Variants in EHBP1 observed in about 807,000 individuals in gnomAD.
The protein encoded by EHBP1 is EH domain binding protein 1.
A neutral mutation model predicts 144.0 loss-of-function variants in EHBP1; 55 were observed. The ratio of observed to expected loss-of-function variants is 0.38; its 90% CI spans 0.31 to 0.48. The LOEUF is 0.48. EHBP1 is among the 20% of genes least tolerant of loss of function. The pLI is 0.98. For synonymous variants in EHBP1, 469 were observed against 472.7 expected, an observed-to-expected ratio of 0.99 and a Z score of 0.10; for missense variants, 1,200 against 1,364.2, an observed-to-expected ratio of 0.88 and a Z score of 1.90.
chr2:62,833,362 G>A (rs1423153656), intron 7 of EHBP1, among the ~76,000 whole-genome samples: 1 of 152,222 alleles, frequency 6.6e-6, no homozygotes, highest in Non-Finnish European at 1.5e-5. Context: ...CATTGATGAA[G>A]CTGGCTACAT....
chr2:63,002,608 A>G (rs2059893084), intron 19 of EHBP1, among the ~76,000 whole-genome samples: 1 of 152,054 alleles, frequency 6.6e-6, no homozygotes, highest in Non-Finnish European at 1.5e-5. Flanking sequence ...TATTCCTGAA[A>G]TGCTATATAT....
At chr2:62,991,518 T>G (rs1346934222) in intron 16 of EHBP1, among the ~76,000 whole-genome samples, 2 of 152,186 alleles carry the variant, frequency 1.3e-5, no homozygotes, top group East Asian at 3.8e-4. Context: ...TGTATGTTAT[T>G]TGTAAGAATC....
intron 4 of EHBP1, among the ~76,000 whole-genome samples, chr2:62,769,256 AC>A (rs1428571552): frequency 6.6e-6 from 1 of 152,134 alleles, no homozygotes; most frequent in Non-Finnish European, 1.5e-5. Flanking sequence ...AATCTAAAAT[AC>A]CCCATAGTCT....
At chr2:63,020,066 C>T (rs2060663009) in intron 19 of EHBP1, among the ~76,000 whole-genome samples, 2 of 151,862 alleles carry the variant, frequency 1.3e-5, no homozygotes, top group Admixed American at 6.6e-5. Flanking sequence ...TGGCTCATGC[C>T]TGTAATTCTA....
intron 4 of EHBP1, among the ~76,000 whole-genome samples, chr2:62,769,440 A>G (rs1558639434): frequency 6.6e-6 from 1 of 152,178 alleles, no homozygotes; most frequent in Non-Finnish European, 1.5e-5. Context: ...ACCTAGGAAT[A>G]CAGCTAACCA....
intron 13 of EHBP1, among the ~76,000 whole-genome samples, chr2:62,953,788 A>C (rs1393412673): frequency 6.6e-6 from 1 of 152,034 alleles, no homozygotes; most frequent in Admixed American, 6.5e-5. Flanking sequence ...AACTGTGTTT[A>C]TGTGCTGTTA....
chr2:63,019,563 C>T (rs565756691), intron 19 of EHBP1, among the ~76,000 whole-genome samples: 17 of 151,356 alleles, frequency 1.1e-4, no homozygotes, highest in Non-Finnish European at 2.4e-4. Flanking sequence ...AAAAATTAGC[C>T]GGGTGTGGTG....
At chr2:62,776,370 A>G (rs1171467238) in intron 5 of EHBP1, among the ~76,000 whole-genome samples, 1 of 152,228 alleles carries the variant, frequency 6.6e-6, no homozygotes, top group Non-Finnish European at 1.5e-5. Context: ...AAATGATGGT[A>G]TTAATATCTA....
intron 1 of EHBP1, among the ~76,000 whole-genome samples, chr2:62,691,395 C>A (rs2033900180): frequency 6.6e-6 from 1 of 152,192 alleles, no homozygotes; most frequent in East Asian, 1.9e-4. Flanking sequence ...AAAGGAAAGG[C>A]ACACTCCCTC....
chr2:62,887,465 C>T (rs771161340), intron 10 of EHBP1, among the ~76,000 whole-genome samples: 3 of 151,528 alleles, frequency 2.0e-5, no homozygotes, highest in Non-Finnish European at 2.9e-5. Flanking sequence ...AAGCCAAGCA[C>T]GGTGGCTCAT....
intron 15 of EHBP1, 88 bp downstream of exon 15, chr2:62,979,423 T>A: frequency 1.4e-6 from 2 of 1,405,418 alleles, no homozygotes; most frequent in African/African-American, 2.9e-5. Flanking sequence ...CTTCAAAATG[T>A]TGCTTCAAAA....
chr2:62,833,634 AAAC>A (rs1415829310), intron 7 of EHBP1, among the ~76,000 whole-genome samples: 1 of 152,214 alleles, frequency 6.6e-6, no homozygotes, highest in African/African-American at 2.4e-5. Context: ...CTCCCTGAAA[AAAC>A]AACACCACTG....
chr2:62,893,086 T>C (rs1343607585), intron 10 of EHBP1, among the ~76,000 whole-genome samples: 1 of 152,204 alleles, frequency 6.6e-6, no homozygotes, highest in Non-Finnish European at 1.5e-5. Context: ...GAAATTAAGC[T>C]TTTACTTACT....
At chr2:62,982,512 A>C (rs1450750764) in intron 15 of EHBP1, among the ~76,000 whole-genome samples, 1 of 152,214 alleles carries the variant, frequency 6.6e-6, no homozygotes, top group Non-Finnish European at 1.5e-5. Context: ...GAGGTTGTTA[A>C]GTCAGGGGAA....
At chr2:62,850,850 A>G (rs1329465181) in intron 7 of EHBP1, among the ~76,000 whole-genome samples, 1 of 152,136 alleles carries the variant, frequency 6.6e-6, no homozygotes, top group African/African-American at 2.4e-5. Context: ...AGAAACAGAC[A>G]AGTACTTTTT....
At chr2:62,869,936 A>C (rs950000147) in intron 9 of EHBP1, among the ~76,000 whole-genome samples, 1 of 152,174 alleles carries the variant, frequency 6.6e-6, no homozygotes, top group Admixed American at 6.5e-5. Context: ...GACGGGAGAG[A>C]TCTTTAAAAT....
chr2:62,900,703 T>TATATATA (rs1558881616), intron 10 of EHBP1, among the ~76,000 whole-genome samples: 1 of 150,474 alleles, frequency 6.6e-6, no homozygotes, highest in African/African-American at 2.5e-5. Flanking sequence ...TATATATATA[T>TATATATA]TTTCTTTCTC....
intron 19 of EHBP1, among the ~76,000 whole-genome samples, chr2:63,019,954 C>T (rs908735065): frequency 2.0e-5 from 3 of 150,988 alleles, no homozygotes; most frequent in Non-Finnish European, 4.4e-5. Context: ...TTTGGGAGGC[C>T]GAGGCAGGCG....
rs181460291 is a variant in EHBP1 at position 62,835,731 on chromosome 2, G to A, written c.634+4573G>A. Among the ~76,000 whole-genome samples, 550 of 152,318 alleles carry A rather than the reference G, an allele frequency of 3.6e-3. 4 individuals are homozygous for A. The highest frequency in any genetic ancestry group is 0.012 in the African/African-American group (501 of 41,572). On this transcript the variant is annotated intron_variant, in intron 7 of 22. Transcript: ENST00000431489. The stretch of plus-strand genomic sequence containing the variant: ...TTTCCGAGTCAAAGAAAGGGGTGAC[G>A]GATGCACCTGGAAAATCGGGTCACT...
Sources: gnomAD v4.1 joint callset for allele counts (sites outside exome capture counted in the v4.1 genomes callset) on GRCh38, gnomAD v4.1.1 for gene constraint, MANE v1.5 for transcripts, NCBI Gene and HGNC (gene_info 2026-07-23, HGNC 2026-07-21) for gene names.